The following PAXIP1 variants were observed in gnomAD, a reference collection of about 807,000 sequenced individuals.
The protein encoded by PAXIP1 is PAX-interacting protein 1.
A neutral mutation model predicts 140.6 loss-of-function variants in PAXIP1; 19 were observed. The ratio of observed to expected loss-of-function variants is 0.14; its 90% CI spans 0.09 to 0.20. PAXIP1 has a LOEUF of 0.20. PAXIP1 is among the 10% of genes least tolerant of loss of function. PAXIP1 has a pLI of 1.00. For synonymous variants in PAXIP1, 442 were observed against 444.6 expected (o/e 0.99, Z 0.07); for missense variants, 920 against 1,208.6 (o/e 0.76, Z 3.54).
intron 16 of PAXIP1, chr7:154,949,480 G>C (rs996326970): frequency 3.3e-5 from 5 of 151,974 alleles, no homozygotes; most frequent in African/African-American, 1.2e-4. Context: ...AAAAAATGAT[G>C]AATTAAAAAA....
intron 6 of PAXIP1, among the ~76,000 whole-genome samples, 167 bp downstream of exon 6, chr7:154,975,523 TACACAC>T (rs35537788): frequency 0.4 from 60,769 of 150,156 alleles, 12,349 homozygotes; most frequent in Middle Eastern, 0.53. Context: ...TATATACACA[TACACAC>T]ACACACACAC....
At position 154,956,207 on chromosome 7, in the gene PAXIP1, T is replaced by G. The variant is rs1304903825; in HGVS notation, c.2550-576A>C. Among the ~76,000 whole-genome samples, 1 of 152,238 alleles carries G rather than the reference T, an allele frequency of 6.6e-6. No individual in the cohort carries two copies. The highest frequency in any genetic ancestry group is 1.5e-5 in the Non-Finnish European group (1 of 68,038). ...CCTTTTTGTTTTTTACATGAATTTT[T>G]TAGGTCTTTTTTTCAGGTTATTATT... is the stretch of plus-strand genomic sequence containing the variant. On this transcript the variant is annotated intron_variant, in intron 14 of 20. Coordinates refer to ENST00000404141, the MANE Select transcript of PAXIP1 (RefSeq NM_007349.4). The surrounding 1 kb of genome is among the most constrained non-coding windows in gnomAD (Gnocchi z 4.2).
At chr7:154,967,672 C>G in intron 8 of PAXIP1, 144 bp downstream of exon 8, 2 of 607,562 alleles carry the variant, frequency 3.3e-6, no homozygotes, top group South Asian at 2.1e-5. Flanking sequence ...TCAGGTCACA[C>G]AGAATGTTAA....
rs1344769715 is a variant in PAXIP1, at chr7:154,944,128, T to C, written c.*21A>G. 1.2e-5 allele frequency: 20 copies of C among 1,612,422 alleles called. No individual in the cohort carries two copies. The highest frequency in any genetic ancestry group is 1.6e-5 in the Non-Finnish European group (19 of 1,179,166). On this transcript the variant is annotated 3_prime_UTR_variant, in exon 21 of 21. Transcript: ENST00000404141. The stretch of plus-strand genomic sequence containing the variant: ...CAGCCCCGCACCGCAGGAGTCGACA[T>C]GCACGGCAGCCTAGACGCCATCAGT...
chr7:154,982,119 TA>T (rs1050225116), intron 5 of PAXIP1, among the ~76,000 whole-genome samples: 1 of 152,234 alleles, frequency 6.6e-6, no homozygotes, highest in Non-Finnish European at 1.5e-5. Flanking sequence ...AACATTAATG[TA>T]AAAAGAACCC....
chr7:154,997,204 C>T (rs556526449), intron 2 of PAXIP1, among the ~76,000 whole-genome samples: 4 of 152,260 alleles, frequency 2.6e-5, no homozygotes, highest in South Asian at 2.1e-4. Context: ...TCTCTGGCCC[C>T]GCAATTTGAC....
intron 8 of PAXIP1, chr7:154,964,443 C>T (rs1421113849): frequency 3.9e-5 from 6 of 152,052 alleles, no homozygotes; most frequent in African/African-American, 1.2e-4. Context: ...CTAAGAAAAC[C>T]GATTCTTTCA....
chr7:154,976,449 T>G, intron 5 of PAXIP1, 118 bp from the exon 6 acceptor site: 2 of 1,368,192 alleles, frequency 1.5e-6, no homozygotes, highest in South Asian at 2.9e-5. Context: ...TGAGCAACTA[T>G]TATTACAATT....
chr7:154,992,952 A>T (rs1461012889), intron 3 of PAXIP1, among the ~76,000 whole-genome samples: 1 of 152,228 alleles, frequency 6.6e-6, no homozygotes, highest in East Asian at 1.9e-4. Context: ...GCATAGCTGC[A>T]AAATAAAATA....
chr7:154,981,637 G>A (rs1809847299), intron 5 of PAXIP1, among the ~76,000 whole-genome samples: 1 of 152,020 alleles, frequency 6.6e-6, no homozygotes, highest in Admixed American at 6.6e-5. Context: ...TTATCTAAAT[G>A]TAATTATAGT....
At chr7:154,948,026 C>A (rs375168262) in intron 16 of PAXIP1, 23 bp from the exon 17 acceptor site, 1 of 1,535,870 alleles carries the variant, frequency 6.5e-7, no homozygotes, top group South Asian at 1.1e-5. Flanking sequence ...ACAGCACATA[C>A]TCTGAAAAGT....
chr7:155,002,553 G>A (rs1340218635), intron 1 of PAXIP1, among the ~76,000 whole-genome samples: 1 of 151,938 alleles, frequency 6.6e-6, no homozygotes, highest in East Asian at 1.9e-4. Context: ...AGAACGAGGC[G>A]GCCCGGTGGG....
intron 3 of PAXIP1, among the ~76,000 whole-genome samples, chr7:154,992,548 T>G (rs1287246071): frequency 6.6e-6 from 1 of 150,502 alleles, no homozygotes; most frequent in Non-Finnish European, 1.5e-5. Flanking sequence ...TGAGCCGAGA[T>G]CGTGCCACTG....
chr7:155,002,690 G>C (rs951808865), intron 1 of PAXIP1, among the ~76,000 whole-genome samples, 159 bp downstream of exon 1: 1 of 150,814 alleles, frequency 6.6e-6, no homozygotes, highest in African/African-American at 2.4e-5. Flanking sequence ...CCCACCCCGC[G>C]GTCGCCCCTG....
At chr7:154,974,990 C>CAAAA (rs59174178) in intron 6 of PAXIP1, among the ~76,000 whole-genome samples, 2 of 122,194 alleles carry the variant, frequency 1.6e-5, no homozygotes, top group South Asian at 5.2e-4. Flanking sequence ...ACTAAAAATA[C>CAAAA]AAAAAAAAAA....
intron 3 of PAXIP1, among the ~76,000 whole-genome samples, chr7:154,991,591 T>A (rs1810333402): frequency 6.6e-6 from 1 of 152,226 alleles, no homozygotes; most frequent in Non-Finnish European, 1.5e-5. Flanking sequence ...GAGCTTCAAT[T>A]TCCCCTTTTT....
intron 2 of PAXIP1, among the ~76,000 whole-genome samples, chr7:154,996,533 T>C (rs1810623612): frequency 6.6e-6 from 1 of 152,170 alleles, no homozygotes; most frequent in Admixed American, 6.5e-5. Flanking sequence ...CTGTGTAAAA[T>C]GAAGGAAGAC....
At chr7:155,002,502 G>C (rs1810959524) in intron 1 of PAXIP1, among the ~76,000 whole-genome samples, 1 of 151,756 alleles carries the variant, frequency 6.6e-6, no homozygotes, top group Non-Finnish European at 1.5e-5. Context: ...GGGGAATGGG[G>C]AGACGCGACC....
At chr7:154,994,923 AT>A (rs894806439) in intron 2 of PAXIP1, among the ~76,000 whole-genome samples, 17 of 152,186 alleles carry the variant, frequency 1.1e-4, no homozygotes, top group Non-Finnish European at 1.9e-4. Context: ...ATATCTTCAC[AT>A]TTTTTGATAG....
Sources: gnomAD v4.1 joint callset for allele counts (sites outside exome capture counted in the v4.1 genomes callset) on GRCh38, gnomAD v4.1.1 for gene constraint, Gnocchi (gnomAD v3.1) non-coding constraint, MANE v1.5 for transcripts, NCBI Gene and HGNC (gene_info 2026-07-23, HGNC 2026-07-21) for gene names.